Variants in HDAC1 observed in about 807,000 individuals in gnomAD.
The protein encoded by HDAC1 is protein deacetylase HDAC1.
A neutral mutation model predicts 65.5 loss-of-function variants in HDAC1; 18 were observed. The ratio of observed to expected loss-of-function variants is 0.27; its 90% confidence interval spans 0.19 to 0.41. HDAC1 has a LOEUF of 0.41. Among genes scored for constraint, HDAC1 ranks in the 10% least tolerant of loss-of-function variants. HDAC1 has a pLI of 1.00. For synonymous variants in HDAC1, 211 were observed against 227.9 expected (o/e 0.93, Z 0.67); for missense variants, 373 against 625.2 (o/e 0.60, Z 4.30).
At chr1:32,313,086 A>AT (rs756556116) in intron 2 of HDAC1, among the ~76,000 whole-genome samples, 4 of 149,598 alleles carry the variant, frequency 2.7e-5, no homozygotes, top group Non-Finnish European at 5.9e-5. Context: ...ATTTTATTTT[A>AT]TTTATTTATT....
At chr1:32,303,172 TA>T (rs1640871781) in intron 2 of HDAC1, among the ~76,000 whole-genome samples, 1 of 151,914 alleles carries the variant, frequency 6.6e-6, no homozygotes, top group Admixed American at 6.6e-5. Context: ...GACTCTGTCT[TA>T]AAAAAACAAA....
intron 4 of HDAC1, among the ~76,000 whole-genome samples, chr1:32,325,989 T>G (rs181880552): frequency 1.3e-5 from 2 of 151,608 alleles, no homozygotes; most frequent in African/African-American, 4.8e-5. Flanking sequence ...ATCGCGCCAC[T>G]GCACTTCAGC....
rs1242320884 is a variant in HDAC1, at chr1:32,331,711, A to T, written c.1124A>T (p.His375Leu). 1 of 1,614,038 alleles carries T rather than the reference A, an allele frequency of 6.2e-7. No homozygotes were observed. Among genetic ancestry groups the T allele is most frequent in the Non-Finnish European group, 8.5e-7 (1 of 1,179,950 alleles). The change falls in exon 11 of 14, where the codon CAC (histidine) becomes CTC (leucine). Residue 375 changes from histidine (H) to leucine (L), a missense_variant. Coordinates refer to ENST00000373548, the MANE Select transcript of HDAC1 (RefSeq NM_004964.3). The surrounding 1 kb of genome is among the most constrained non-coding windows in gnomAD (Gnocchi z 4.2). The stretch of plus-strand genomic sequence containing the variant: ...TTTGAGAACCTTAGAATGCTGCCGC[A>T]CGCACCTGGGGTCCAAATGCAGGCG... ...RLFENLRMLP[H>L]APGVQMQAIP...
chr1:32,326,094 CTTCTTCTGGGACCTA>C (rs1641213813), intron 4 of HDAC1, among the ~76,000 whole-genome samples: 1 of 152,250 alleles, frequency 6.6e-6, no homozygotes, highest in African/African-American at 2.4e-5. Flanking sequence ...TTATCTTTTA[CTTCTTCTGGGACCTA>C]TTCGTGCTAG....
chr1:32,294,237 C>G (rs1178567705), intron 1 of HDAC1, among the ~76,000 whole-genome samples: 3 of 151,828 alleles, frequency 2.0e-5, no homozygotes, highest in Non-Finnish European at 4.4e-5. Flanking sequence ...CAACCTCCAC[C>G]TCCCAGATTC....
Position 32,316,667 on chromosome 1 carries a change from C to T in HDAC1, c.165C>T (p.Arg55=), listed in dbSNP as rs765973776. The T allele has an allele frequency of 6.2e-7, 1 of 1,603,142 alleles. No homozygotes were observed. The highest frequency in any genetic ancestry group is 8.5e-7 in the Non-Finnish European group (1 of 1,170,320). The change falls in exon 3 of 14, where the codon CGC becomes CGT. Residue 55 remains arginine (R), a splice_region_variant and synonymous_variant. Coordinates refer to ENST00000373548, the MANE Select transcript of HDAC1 (RefSeq NM_004964.3). ...CCTTTCTCCCTTCTGCCCTCTAGCG[C>T]CCTCACAAAGCCAATGCTGAGGAGA... ...YGLYRKMEIY[R]PHKANAEEMT...
At chr1:32,325,027 A>G (rs1320340782) in intron 4 of HDAC1, among the ~76,000 whole-genome samples, 3 of 152,132 alleles carry the variant, frequency 2.0e-5, no homozygotes, top group Non-Finnish European at 4.4e-5. Flanking sequence ...CCCAGGTTCA[A>G]TCTCTGACAT....
rs1361631804 is a variant in HDAC1, at chr1:32,331,089, T to G, written c.979+181T>G. On this transcript the variant is annotated intron_variant, in intron 9 of 13. Transcript: ENST00000373548. The surrounding 1 kb of genome is among the most constrained non-coding windows in gnomAD (Gnocchi z 4.2). Reference sequence around the variant, plus strand: ...TAACCATCACTTTTTCCCTAGTCCTTTTTAGCTCTCTCCCCTCTCCCTCCT... The same window carrying G: ...TAACCATCACTTTTTCCCTAGTCCTGTTTAGCTCTCTCCCCTCTCCCTCCT... Among the ~76,000 whole-genome samples, 1 of 152,180 alleles carries G rather than the reference T, an allele frequency of 6.6e-6. No individual in the cohort carries two copies. The highest frequency in any genetic ancestry group is 1.5e-5 in the Non-Finnish European group (1 of 68,040).
At chr1:32,303,540 T>A (rs1640876168) in intron 2 of HDAC1, among the ~76,000 whole-genome samples, 1 of 152,144 alleles carries the variant, frequency 6.6e-6, no homozygotes, top group African/African-American at 2.4e-5. Context: ...AGATGCCAAA[T>A]CTCTAGTTAT....
chr1:32,302,733 T>C lies in HDAC1; in HGVS notation c.162T>C (p.Tyr54=), dbSNP rs756168899. 2.1e-6 allele frequency: 3 copies of C among 1,428,094 alleles called. No homozygotes were observed. Among genetic ancestry groups the C allele is most frequent in the African/African-American group, 1.4e-5 (1 of 71,330 alleles). The allele number at this position is 1,428,094 out of a possible 1,614,324, so 88.5% of individuals were successfully genotyped here. A position where few individuals can be genotyped will look rare whatever the true frequency, so the allele number is the denominator to read the frequency against. The change falls in exon 2 of 14, where the codon TAT becomes TAC. Residue 54 remains tyrosine, a splice_region_variant and synonymous_variant. Transcript: ENST00000373548. ...GTCTCTACCGAAAAATGGAAATCTATGTGAGTTACCAGAGGTGCTACCGCT... is the reference window on the plus strand; with the variant it reads ...GTCTCTACCGAAAAATGGAAATCTACGTGAGTTACCAGAGGTGCTACCGCT... ...NYGLYRKMEI[Y]RPHKANAEEM... is the part of the protein sequence containing the mutation.
intron 2 of HDAC1, among the ~76,000 whole-genome samples, chr1:32,316,011 G>T (rs2148064833): frequency 6.7e-6 from 1 of 149,340 alleles, no homozygotes; most frequent in South Asian, 2.1e-4. Context: ...GGTCGGGCTT[G>T]GTGGCTCATG....
chr1:32,311,300 TCTA>T (rs1006228573), intron 2 of HDAC1, among the ~76,000 whole-genome samples: 1 of 152,000 alleles, frequency 6.6e-6, no homozygotes, highest in African/African-American at 2.4e-5. Context: ...AAACCCTATC[TCTA>T]CTAAAAATAC....
At chr1:32,298,378 C>T (rs966837459) in intron 1 of HDAC1, among the ~76,000 whole-genome samples, 2 of 151,900 alleles carry the variant, frequency 1.3e-5, no homozygotes, top group Non-Finnish European at 2.9e-5. Flanking sequence ...TCAGGCACCG[C>T]GCCCGGCCAT....
rs139503964 is a variant in HDAC1 at position 32,319,942 on chromosome 1, C to T, written c.280+3160C>T. 4.6e-3 allele frequency among the ~76,000 whole-genome samples: 694 copies of T among 151,728 alleles called. 5 individuals are homozygous for T. Among genetic ancestry groups the T allele is most frequent in the African/African-American group, 0.016 (661 of 41,382 alleles). On this transcript the variant is annotated intron_variant, in intron 3 of 13. Coordinates refer to ENST00000373548, the MANE Select transcript of HDAC1 (RefSeq NM_004964.3). Reference sequence around the variant, plus strand: ...TAAAAAAAAAACACACATGGCCAGGCGTGGTGGCTCATGCCTGTAATCCCA... The same window carrying T: ...TAAAAAAAAAACACACATGGCCAGGTGTGGTGGCTCATGCCTGTAATCCCA...
chr1:32,316,373 GTC>G (rs1376031124), intron 2 of HDAC1, among the ~76,000 whole-genome samples: 1 of 152,202 alleles, frequency 6.6e-6, no homozygotes, highest in Non-Finnish European at 1.5e-5. Context: ...TCCCTGTGTG[GTC>G]TATGTTGTCC....
At chr1:32,323,086 G>C (rs1222378850) in intron 3 of HDAC1, among the ~76,000 whole-genome samples, 1 of 152,052 alleles carries the variant, frequency 6.6e-6, no homozygotes, top group Non-Finnish European at 1.5e-5. Flanking sequence ...GCGGATCACA[G>C]GGTCAGGAGT....
At chr1:32,316,992 A>G (rs1267705834) in intron 3 of HDAC1, among the ~76,000 whole-genome samples, 1 of 152,152 alleles carries the variant, frequency 6.6e-6, no homozygotes, top group African/African-American at 2.4e-5. Flanking sequence ...TTTTCTGGTT[A>G]TGTTCACAAC....
rs796693358 is a variant in HDAC1 at position 32,315,965 on chromosome 1, AAAAC to A, written c.163-684_163-681del. On this transcript the variant is annotated intron_variant, in intron 2 of 13. Transcript: ENST00000373548. ...GGGTGACAGAGTGAGACTCCGCCTC[AAAAC>A]AAACAAACAAACAAAAAAAAACGAA... 3.7e-3 allele frequency among the ~76,000 whole-genome samples: 556 copies of A among 149,802 alleles called. 4 individuals are homozygous for A. Among genetic ancestry groups the A allele is most frequent in the African/African-American group, 0.013 (521 of 40,448 alleles).
At chr1:32,297,632 A>C (rs1640785958) in intron 1 of HDAC1, among the ~76,000 whole-genome samples, 2 of 151,950 alleles carry the variant, frequency 1.3e-5, no homozygotes, top group Non-Finnish European at 2.9e-5. Flanking sequence ...TGCGGGGGGG[A>C]CGGAGTCTTG....
Sources: allele counts gnomAD v4.1 joint callset (sites outside exome capture counted in the v4.1 genomes callset), GRCh38; gene constraint gnomAD v4.1.1; non-coding constraint Gnocchi (gnomAD v3.1); transcripts MANE v1.5; gene names NCBI Gene and HGNC (gene_info 2026-07-23, HGNC 2026-07-21).